The following NR4A1 variants were observed in gnomAD, a reference collection of about 807,000 sequenced individuals.
The protein encoded by NR4A1 is nuclear receptor subfamily 4immunitygroup A member 1.
In NR4A1, 24 loss-of-function variants were observed where a neutral mutation model predicts 47.5. That is an observed-to-expected ratio of 0.50 (90% CI 0.37 to 0.71). The LOEUF (loss-of-function observed/expected upper bound fraction) is 0.71, where lower values mean the gene tolerates loss of function less well. NR4A1 is among the 30% of genes least tolerant of loss of function. The pLI is 0.00. For synonymous variants in NR4A1, 353 were observed against 345.7 expected (o/e 1.02, Z -0.24); for missense variants, 669 against 788.6 (o/e 0.85, Z 1.82).
At chr12:52,052,268 CGTGTGTGTGTGT>C (rs60552358) in intron 1 of NR4A1, among the ~76,000 whole-genome samples, 35 of 129,988 alleles carry the variant, frequency 2.7e-4, no homozygotes, top group South Asian at 1.0e-3. Flanking sequence ...GCTTGGATCA[CGTGTGTGTGTGT>C]GTGTGTGTGT....
Position 52,058,678 on chromosome 12 carries a change from C to A in NR4A1, c.1541-10C>A. 1.9e-6 allele frequency: 3 copies of A among 1,589,002 alleles called. No individual in the cohort carries two copies. The highest frequency in any genetic ancestry group is 1.1e-5 in the South Asian group (1 of 88,274). ...TCAGATGTACAGCTAATCCTGTACCCTTCCCGCAGACCGGCATGGGCTGCA... is the reference window on the plus strand; with the variant it reads ...TCAGATGTACAGCTAATCCTGTACCATTCCCGCAGACCGGCATGGGCTGCA... On this transcript the variant is annotated splice_polypyrimidine_tract_variant and intron_variant, in intron 6 of 6. Coordinates refer to ENST00000394825, the MANE Select transcript of NR4A1 (RefSeq NM_173157.3).
At chr12:52,028,955 A>G (rs1938059601) in intron 1 of NR4A1, among the ~76,000 whole-genome samples, 1 of 152,110 alleles carries the variant, frequency 6.6e-6, no homozygotes. Flanking sequence ...ACTTCTCCCT[A>G]AAAATATTAA....
At chr12:52,030,133 A>C (rs1236885546) in intron 1 of NR4A1, among the ~76,000 whole-genome samples, 2 of 152,248 alleles carry the variant, frequency 1.3e-5, no homozygotes, top group African/African-American at 4.8e-5. Context: ...TCTTCAGGGA[A>C]TGCTGCTGCA....
At position 52,058,959 on chromosome 12, in the gene NR4A1, C is replaced by G. The variant is rs377130441; in HGVS notation, c.*15C>G. The G allele has an allele frequency of 1.9e-6, 3 of 1,602,436 alleles. No homozygotes were observed. In the South Asian group the frequency reaches 3.3e-5, roughly 18 times the overall value. ...TGCCCTTCTGACCCCTGCCTGGGAA[C>G]ACGTGTGCACATGCGCACTCTCATA... On this transcript the variant is annotated 3_prime_UTR_variant, in exon 7 of 7. Coordinates refer to ENST00000394825, the MANE Select transcript of NR4A1 (RefSeq NM_173157.3).
At chr12:52,055,404 C>CAG (rs59885058) in intron 2 of NR4A1, 200 bp downstream of exon 2, 13,066 of 669,818 alleles carry the variant, frequency 0.02, 1,028 homozygotes, top group African/African-American at 0.19. Flanking sequence ...CCGGGACACT[C>CAG]GGGCCCATGG....
At chr12:52,023,983 C>A (rs1937947963) in intron 1 of NR4A1, among the ~76,000 whole-genome samples, 2 of 152,246 alleles carry the variant, frequency 1.3e-5, no homozygotes, top group East Asian at 3.8e-4. Flanking sequence ...GCCTGCAGGA[C>A]TCGGAACGTG....
intron 3 of NR4A1, 89 bp from the exon 4 acceptor site, chr12:52,056,405 G>A (rs767303486): frequency 1.0e-4 from 157 of 1,529,754 alleles, no homozygotes; most frequent in Non-Finnish European, 1.3e-4. Flanking sequence ...GACTCGGTGG[G>A]GCGCGTCTCA....
chr12:52,055,784 C>T (rs539260329), intron 2 of NR4A1: 19 of 380,848 alleles, frequency 5.0e-5, no homozygotes, highest in Non-Finnish European at 7.5e-5. Context: ...GAGACCCTGG[C>T]CCCCAGTAGT....
Position 52,058,977 on chromosome 12 carries a change from C to G in NR4A1, c.*33C>G, listed in dbSNP as rs374615853. On this transcript the variant is annotated 3_prime_UTR_variant, in exon 7 of 7. Transcript: ENST00000394825. ...CTGGGAACACGTGTGCACATGCGCA[C>G]TCTCATATGCCACCCCATGTGCCTT... 6.3e-7 allele frequency: 1 copy of G among 1,583,148 alleles called. No homozygotes were observed. The highest frequency in any genetic ancestry group is 8.6e-7 in the Non-Finnish European group (1 of 1,158,688).
chr12:52,024,159 A>G (rs1937952436), intron 1 of NR4A1, among the ~76,000 whole-genome samples: 1 of 152,174 alleles, frequency 6.6e-6, no homozygotes, highest in Non-Finnish European at 1.5e-5. Flanking sequence ...AGTGTGAGGT[A>G]TGGTTGTTAT....
Position 52,059,342 on chromosome 12 carries a change from C to T in NR4A1, c.*398C>T. ...CTTTCCAGCCTCCTGCTGGCTCTCT[C>T]TTCCTACCCTCCTTCCACATGTACA... On this transcript the variant is annotated 3_prime_UTR_variant, in exon 7 of 7. Coordinates refer to ENST00000394825, the MANE Select transcript of NR4A1 (RefSeq NM_173157.3). 1 of 184,372 alleles carries T rather than the reference C, an allele frequency of 5.4e-6. No homozygotes were observed. 11.4% of individuals were successfully genotyped at this position (184,372 alleles called of 1,614,324 possible).
intron 1 of NR4A1, chr12:52,037,612 C>T (rs1938284625): frequency 2.0e-6 from 2 of 985,394 alleles, no homozygotes; most frequent in Non-Finnish European, 2.4e-6. Context: ...TCCGAGTCAG[C>T]CCCCAAGGGC....
intron 1 of NR4A1, chr12:52,037,837 G>A (rs1362810637): frequency 1.0e-6 from 1 of 985,332 alleles, no homozygotes; most frequent in Non-Finnish European, 1.2e-6. Context: ...AAGAAACCAA[G>A]GCTGGGGGTC....
At chr12:52,024,082 T>C (rs1474661223) in intron 1 of NR4A1, among the ~76,000 whole-genome samples, 2 of 152,142 alleles carry the variant, frequency 1.3e-5, no homozygotes, top group African/African-American at 4.8e-5. Flanking sequence ...TCCTGTGAAA[T>C]GGCTGTGGTG....
In NR4A1 at chr12:52,054,808, C is replaced by T. The variant is rs1450113180; in HGVS notation, c.480C>T (p.His160=). 6.2e-7 allele frequency: 1 copy of T among 1,613,368 alleles called. No individual in the cohort carries two copies. The highest frequency in any genetic ancestry group is 1.3e-5 in the African/African-American group (1 of 74,944). ...QLSPWDGSFG[H]FSPSQTYEGL... ...CTCCCTGGGATGGCTCCTTCGGCCA[C>T]TTCTCGCCCAGCCAGACTTACGAAG... Residue 160 remains histidine, a synonymous_variant, in exon 2 of 7, where the codon CAC becomes CAT. Coordinates refer to ENST00000394825, the MANE Select transcript of NR4A1 (RefSeq NM_173157.3).
intron 1 of NR4A1, among the ~76,000 whole-genome samples, chr12:52,052,300 TGTGTGAGAGAGA>T (rs1373706200): frequency 1.5e-5 from 2 of 135,586 alleles, no homozygotes; most frequent in Non-Finnish European, 3.2e-5. Context: ...TGTGTGTGTG[TGTGTGAGAGAGA>T]GAGAGAGAGA....
chr12:52,056,136 T>A lies in NR4A1; in HGVS notation c.983T>A (p.Leu328Gln), dbSNP rs368069591. ...CAGTTCTGCCGCTTCCAGAAGTGCCTGGCGGTGGGCATGGTGAAGGAAGGT... is the reference window on the plus strand; with the variant it reads ...CAGTTCTGCCGCTTCCAGAAGTGCCAGGCGGTGGGCATGGTGAAGGAAGGT... ...RCQFCRFQKCLAVGMVKEVVR... is the reference protein window; with the variant it reads ...RCQFCRFQKCQAVGMVKEVVR... The change falls in exon 3 of 7, where the codon CTG becomes CAG. Residue 328 changes from leucine to glutamine, a missense_variant. By Grantham distance (113) the Leu-to-Gln change is moderately radical. Transcript: ENST00000394825. 44 of 1,609,912 alleles carry A rather than the reference T, an allele frequency of 2.7e-5. No homozygotes were observed. The highest frequency in any genetic ancestry group is 3.6e-5 in the Non-Finnish European group (42 of 1,178,024).
At position 52,058,877 on chromosome 12, in the gene NR4A1, A is replaced by G. The variant is rs755267754; in HGVS notation, c.1730A>G (p.Lys577Arg). The change falls in exon 7 of 7, where the codon AAG becomes AGG. Residue 577 changes from lysine to arginine, a missense_variant. Lys to Arg is a conservative substitution (Grantham distance 26). Transcript: ENST00000394825. The stretch of plus-strand genomic sequence containing the variant: ...GGCCTGCAGCGCATCTTCTACCTCA[A>G]GCTGGAGGACTTGGTGCCCCCTCCA... ...TQGLQRIFYL[K>R]LEDLVPPPPI... The G allele has an allele frequency of 6.8e-6, 11 of 1,613,918 alleles. No individual in the cohort carries two copies. The South Asian group carries it at 9.9e-5, about 14-fold the overall frequency.
intron 1 of NR4A1, among the ~76,000 whole-genome samples, chr12:52,031,582 A>C (rs914824123): frequency 6.6e-6 from 1 of 151,178 alleles, no homozygotes; most frequent in Non-Finnish European, 1.5e-5. Flanking sequence ...GGTTGCAGTG[A>C]GCCGAGATCA....
Sources: allele counts gnomAD v4.1 joint callset (sites outside exome capture counted in the v4.1 genomes callset), GRCh38; gene constraint gnomAD v4.1.1; transcripts MANE v1.5; gene names NCBI Gene and HGNC (gene_info 2026-07-23, HGNC 2026-07-21).